SPC25: variants seen among roughly 807,000 people sequenced by gnomAD.
SPC25 encodes kinetochore protein Spc25.
SPC25 carries 22 observed loss-of-function variants against 29.6 expected under a neutral mutation model. The observed-to-expected ratio is 0.74, with a 90% CI of 0.53 to 1.06. The LOEUF is 1.06. SPC25 is among the 50% of genes least tolerant of loss of function. The probability of loss-of-function intolerance (pLI) is 0.00; values close to 1 mark genes in which losing one functional copy is unlikely to be tolerated. For synonymous variants in SPC25, 91 were observed against 90.4 expected, an observed-to-expected ratio of 1.01 and a Z score of -0.04; for missense variants, 230 against 255.8, an observed-to-expected ratio of 0.90 and a Z score of 0.69.
At chr2:168,863,921 TTTTTTTTG>T (rs1689666971) in intron 4 of SPC25, among the ~76,000 whole-genome samples, 1 of 152,232 alleles carries the variant, frequency 6.6e-6, no homozygotes, top group African/African-American at 2.4e-5. Context: ...TTTTTTATTT[TTTTTTTTG>T]AGGCAGAGTC....
chr2:168,864,833 G>C (rs773303748), intron 4 of SPC25: 1 of 1,613,748 alleles, frequency 6.2e-7, no homozygotes, highest in South Asian at 1.1e-5. Flanking sequence ...TATTTTCACA[G>C]GTGACATTGT....
downstream of SPC25, among the ~76,000 whole-genome samples, chr2:168,867,280 C>T (rs146410824): frequency 1.1e-4 from 17 of 152,258 alleles, no homozygotes; most frequent in Admixed American, 3.9e-4. Flanking sequence ...ACTGCAAAAA[C>T]ATGCCAAAAT....
downstream of SPC25, among the ~76,000 whole-genome samples, chr2:168,868,443 A>ATT: frequency 6.6e-6 from 1 of 152,326 alleles, no homozygotes; most frequent in South Asian, 2.1e-4. Flanking sequence ...GATCAACAAA[A>ATT]TTGATAGACA....
intron 3 of SPC25, among the ~76,000 whole-genome samples, chr2:168,888,308 C>A (rs1305738820): frequency 6.6e-6 from 1 of 151,904 alleles, no homozygotes; most frequent in Non-Finnish European, 1.5e-5. Context: ...GTAATCCCAG[C>A]ACTTTGGGAG....
Position 168,878,066 on chromosome 2 carries a change from A to G in SPC25, c.200-682T>C, listed in dbSNP as rs1690119118. 2.0e-5 allele frequency among the ~76,000 whole-genome samples: 3 copies of G among 152,158 alleles called. No individual in the cohort carries two copies. The South Asian group carries it at 6.2e-4, about 32-fold the overall frequency. On this transcript the variant is annotated intron_variant, in intron 3 of 6. Coordinates refer to ENST00000282074, the MANE Select transcript of SPC25 (RefSeq NM_020675.4). ...GAAAAGCCTCACTCTAATGCTATAT[A>G]AATTATTCCGGAACATACCAAAAGA... is the stretch of plus-strand genomic sequence containing the variant.
chr2:168,890,375 A>T lies in SPC25; in HGVS notation c.-72T>A. On this transcript the variant is annotated 5_prime_UTR_variant, in exon 1 of 7. Coordinates refer to ENST00000282074, the MANE Select transcript of SPC25 (RefSeq NM_020675.4). ...CCCACACCAGATCCGCGCCCACTCT[A>T]GCCAACAGCCGGACTCTAGGCTCAG... 3 of 985,424 alleles carry T rather than the reference A, an allele frequency of 3.0e-6. No homozygotes were observed. Among genetic ancestry groups the T allele is most frequent in the Non-Finnish European group, 3.6e-6 (3 of 829,966 alleles). The allele number at this position is 985,424 out of a possible 1,614,324, so 61.0% of individuals were successfully genotyped here. A position where few individuals can be genotyped will look rare whatever the true frequency, so the allele number is the denominator to read the frequency against.
intron 1 of SPC25, among the ~76,000 whole-genome samples, 179 bp downstream of exon 1, chr2:168,890,139 G>GACCAAAGAACCC (rs1690368301): frequency 2.0e-5 from 3 of 152,302 alleles, no homozygotes; most frequent in Admixed American, 6.5e-5. Context: ...CTCCTGCAGT[G>GACCAAAGAACCC]AAACCCAGAA....
downstream of SPC25, among the ~76,000 whole-genome samples, chr2:168,868,321 A>G (rs1309687038): frequency 3.9e-5 from 6 of 152,252 alleles, no homozygotes; most frequent in Non-Finnish European, 8.8e-5. Context: ...AAACACATTC[A>G]AAAGCTAGCA....
In SPC25 at chr2:168,877,331, A is replaced by G. The variant is rs1690103942; in HGVS notation, c.253T>C (p.Leu85=). 1.2e-6 allele frequency: 2 copies of G among 1,613,690 alleles called. No homozygotes were observed. The highest frequency in any genetic ancestry group is 1.3e-5 in the African/African-American group (1 of 74,896). The change falls in exon 4 of 7, where the codon TTG becomes CTG. Residue 85 remains leucine, a synonymous_variant. Transcript: ENST00000282074. ...IQEKKDNLLK[L]IAEVKGKKQE... is the part of the protein sequence containing the mutation. ...TTTTTGCCTTTTACTTCAGCAATCA[A>G]TTTTAACAAGTTATCCTTTTTTTCT...
intron 3 of SPC25, among the ~76,000 whole-genome samples, 178 bp downstream of exon 3, chr2:168,889,048 C>T (rs796885534): frequency 1.4e-4 from 13 of 89,994 alleles, no homozygotes; most frequent in African/African-American, 6.0e-4. Context: ...TATATATACA[C>T]ATATATATAC....
Position 168,871,413 on chromosome 2 carries a change from A to G in SPC25, c.*18T>C. ...TAGAGAAGAAAAATAAACCGTTTTT[A>G]TATACACTATTTGTATGTTAATTAT... is the stretch of plus-strand genomic sequence containing the variant. On this transcript the variant is annotated 3_prime_UTR_variant, in exon 7 of 7. Coordinates refer to ENST00000282074, the MANE Select transcript of SPC25 (RefSeq NM_020675.4). 8 of 1,575,692 alleles carry G rather than the reference A, an allele frequency of 5.1e-6. No homozygotes were observed. Among genetic ancestry groups the G allele is most frequent in the Non-Finnish European group, 6.0e-6 (7 of 1,168,508 alleles).
intron 3 of SPC25, among the ~76,000 whole-genome samples, chr2:168,881,964 C>T (rs965181847): frequency 2.0e-5 from 3 of 152,116 alleles, no homozygotes; most frequent in African/African-American, 7.2e-5. Flanking sequence ...AGGAAAATCT[C>T]GTTTACAGAG....
chr2:168,868,374 T>C (rs1559151160), downstream of SPC25, among the ~76,000 whole-genome samples: 2 of 151,376 alleles, frequency 1.3e-5, no homozygotes, highest in African/African-American at 4.9e-5. Flanking sequence ...CTGAAGGAAA[T>C]AGAGACACAA....
intron 5 of SPC25, among the ~76,000 whole-genome samples, chr2:168,875,309 A>C (rs543990690): frequency 1.3e-5 from 2 of 152,318 alleles, no homozygotes; most frequent in African/African-American, 4.8e-5. Context: ...AAACATTGTA[A>C]GGCAAAAATG....
intron 4 of SPC25, among the ~76,000 whole-genome samples, chr2:168,864,576 C>T (rs372577955): frequency 5.0e-4 from 76 of 152,246 alleles, no homozygotes; most frequent in African/African-American, 8.7e-4. Context: ...TCACCCACCA[C>T]GCCCAGCCAA....
chr2:168,866,372 G>A (rs1689852115), downstream of SPC25, among the ~76,000 whole-genome samples: 1 of 152,268 alleles, frequency 6.6e-6, no homozygotes, highest in Non-Finnish European at 1.5e-5. Flanking sequence ...AACAAGCAAT[G>A]GGGAAAGGAT....
downstream of SPC25, among the ~76,000 whole-genome samples, chr2:168,867,236 CAAT>C (rs1689879649): frequency 6.6e-6 from 1 of 152,190 alleles, no homozygotes; most frequent in Admixed American, 6.5e-5. Context: ...AAATGTCCAA[CAAT>C]GATAGACTAG....
rs764730735 is a variant in SPC25, at chr2:168,876,154, C to T, written c.369G>A (p.Ala123=). 1.8e-5 allele frequency: 29 copies of T among 1,568,292 alleles called. No individual in the cohort carries two copies. In the East Asian group the frequency reaches 2.1e-4, roughly 11 times the overall value. The change falls in exon 5 of 7, where the codon GCG becomes GCA. Residue 123 remains alanine, a synonymous_variant. Transcript: ENST00000282074. The part of the protein sequence containing the change: ...KKETISTANK[A]NAERLKRLQK... ...GCAGCCTTTTCAACCTCTCTGCATT[C>T]GCTTTATTAGCAGTAGAAATAGCTG...
chr2:168,863,585 C>G, intron 4 of SPC25: 2 of 985,094 alleles, frequency 2.0e-6, no homozygotes, highest in Non-Finnish European at 2.4e-6. Flanking sequence ...AATATTGTCT[C>G]CAAATTGATG....
Sources: allele counts gnomAD v4.1 joint callset (sites outside exome capture counted in the v4.1 genomes callset), GRCh38; gene constraint gnomAD v4.1.1; transcripts MANE v1.5; gene names NCBI Gene and HGNC (gene_info 2026-07-23, HGNC 2026-07-21).